Variants in PDZD8 observed in about 807,000 individuals in gnomAD.
PDZD8 encodes PDZ domain containing 8.
Under a neutral mutation model 85.8 loss-of-function variants are expected in PDZD8, and 14 were observed. The ratio of observed to expected loss-of-function variants is 0.16; its 90% CI spans 0.11 to 0.26. PDZD8 has a LOEUF of 0.26. Ranked by LOEUF, PDZD8 falls within the 10% of genes least tolerant of loss-of-function variation. PDZD8 has a pLI of 1.00. For synonymous variants in PDZD8, 592 were observed against 568.6 expected, an observed-to-expected ratio of 1.04 and a Z score of -0.59; for missense variants, 1,197 against 1,424.3, an observed-to-expected ratio of 0.84 and a Z score of 2.57.
intron 4 of PDZD8, chr10:117,285,710 A>T (rs759788942): frequency 6.8e-6 from 8 of 1,184,858 alleles, no homozygotes; most frequent in Non-Finnish European, 8.4e-6. Context: ...AAACCAGATG[A>T]TGACACAGGA....
chr10:117,355,925 T>C (rs1019134848), intron 1 of PDZD8, among the ~76,000 whole-genome samples: 2 of 152,234 alleles, frequency 1.3e-5, no homozygotes, highest in African/African-American at 2.4e-5. Flanking sequence ...TAAGGTGTTG[T>C]TATTACCATT....
intron 1 of PDZD8, among the ~76,000 whole-genome samples, chr10:117,361,867 G>A (rs540774633): frequency 6.6e-6 from 1 of 152,054 alleles, no homozygotes; most frequent in Non-Finnish European, 1.5e-5. Context: ...CATTTACATT[G>A]TATTAGGCAT....
intron 3 of PDZD8, among the ~76,000 whole-genome samples, chr10:117,317,880 A>G (rs957494264): frequency 5.3e-5 from 8 of 152,210 alleles, no homozygotes; most frequent in African/African-American, 1.9e-4. Context: ...CTGCTTTCAT[A>G]AACGCAAACA....
In PDZD8 at chr10:117,356,763, A is replaced by G. The variant is rs1294209224; in HGVS notation, c.873-15661T>C. Among the ~76,000 whole-genome samples, 3 of 152,124 alleles carry G rather than the reference A, an allele frequency of 2.0e-5. No individual in the cohort carries two copies. The East Asian group carries it at 5.8e-4, about 29-fold the overall frequency. ...ATGAAAAACAAATGAGAAAAAGAAA[A>G]ATTAAAAATAACCCAGATAGCTTAT... is the stretch of plus-strand genomic sequence containing the variant. On this transcript the variant is annotated intron_variant, in intron 1 of 4. Transcript: ENST00000334464.
chr10:117,340,598 G>A (rs963692673), intron 2 of PDZD8, among the ~76,000 whole-genome samples: 1 of 152,138 alleles, frequency 6.6e-6, no homozygotes, highest in Non-Finnish European at 1.5e-5. Flanking sequence ...TGCAGTGGCT[G>A]CTATACTTAT....
Position 117,285,186 on chromosome 10 carries a change from T to C in PDZD8, c.1547A>G (p.Gln516Arg). ...ACGTTTGGGACTATGACTTAATGAT[T>C]GTGCCTCATCTTTGAACTCATTTTG... The part of the protein sequence containing the change: ...RAQNEFKDEA[Q>R]SLSHSPKRVP... Residue 516 changes from glutamine (Q) to arginine (R), a missense_variant, in exon 5 of 5, where the codon CAA becomes CGA. Physicochemically the swap from Gln to Arg is conservative, Grantham distance 43. Coordinates refer to ENST00000334464, the MANE Select transcript of PDZD8 (RefSeq NM_173791.5). The C allele has an allele frequency of 1.2e-6, 2 of 1,614,218 alleles. No homozygotes were observed. The highest frequency in any genetic ancestry group is 1.7e-6 in the Non-Finnish European group (2 of 1,180,034).
Position 117,290,224 on chromosome 10 carries a change from G to A in PDZD8, c.1223C>T (p.Ala408Val). The A allele has an allele frequency of 6.2e-7, 1 of 1,614,050 alleles. No individual in the cohort carries two copies. Among genetic ancestry groups the A allele is most frequent in the South Asian group, 1.1e-5 (1 of 91,064 alleles). ...AAGTCGATCTCCCCGCTGAAGATCT[G>A]CAATTGCAGCAGGCGAGTTTGGAGC... Reference protein sequence around the residue: ...TVAPNSPAAIADLQRGDRLIA... With the variant: ...TVAPNSPAAIVDLQRGDRLIA... The change falls in exon 4 of 5, where the codon GCA (alanine) becomes GTA (valine). Residue 408 changes from alanine (A) to valine (V), a missense_variant. Transcript: ENST00000334464.
chr10:117,320,784 C>T lies in PDZD8; in HGVS notation c.996-1810G>A, dbSNP rs141764589. ...AAGTATTTGATAAGGGCCTAGTATC[C>T]AAAAAACATATAAATTCTTTACAGC... On this transcript the variant is annotated intron_variant, in intron 2 of 4. Coordinates refer to ENST00000334464, the MANE Select transcript of PDZD8 (RefSeq NM_173791.5). Among the ~76,000 whole-genome samples the T allele has an allele frequency of 1.3e-3, 200 of 151,916 alleles. 2 individuals are homozygous for T. The highest frequency in any genetic ancestry group is 3.4e-3 in the Middle Eastern group (1 of 292).
In PDZD8 at chr10:117,341,080, G is replaced by C; in HGVS notation, c.895C>G (p.Gln299Glu). The part of the protein sequence containing the change: ...KIRFKPFFPY[Q>E]TLQGFEEDEE... ...TCTTCTTCAAATCCTTGCAAGGTCT[G>C]GTATGGAAAAAACGGCTTAAACCTG... Residue 299 changes from glutamine (Q) to glutamate (E), a missense_variant, in exon 2 of 5, where the codon CAG (glutamine) becomes GAG (glutamate). This residue lies in a region of PDZD8 where 344 missense variants were observed against 453.6 expected (regional missense o/e 0.76). Coordinates refer to ENST00000334464, the MANE Select transcript of PDZD8 (RefSeq NM_173791.5). 2 of 1,613,288 alleles carry C rather than the reference G, an allele frequency of 1.2e-6. No individual in the cohort carries two copies. Among genetic ancestry groups the C allele is most frequent in the Admixed American group, 1.7e-5 (1 of 59,990 alleles).
At chr10:117,314,825 T>G (rs1439225257) in intron 3 of PDZD8, among the ~76,000 whole-genome samples, 2 of 152,218 alleles carry the variant, frequency 1.3e-5, no homozygotes, top group African/African-American at 4.8e-5. Context: ...ATACCAATAT[T>G]GTTTGGATTT....
At chr10:117,332,900 T>G (rs1359386245) in intron 2 of PDZD8, among the ~76,000 whole-genome samples, 5 of 150,754 alleles carry the variant, frequency 3.3e-5, no homozygotes, top group South Asian at 2.1e-4. Flanking sequence ...GGCAGATCAC[T>G]TGAGGTCAGG....
In PDZD8 at chr10:117,282,937, G is replaced by A. The variant is rs1371913116; in HGVS notation, c.*331C>T. ...TTAACACTAATTCAAAAACCAAGAG[G>A]AAGAAAAATAACACAAGGGGACACC... On this transcript the variant is annotated 3_prime_UTR_variant, in exon 5 of 5. Coordinates refer to ENST00000334464, the MANE Select transcript of PDZD8 (RefSeq NM_173791.5). The A allele has an allele frequency of 4.6e-6, 1 of 218,622 alleles. No homozygotes were observed. The highest frequency in any genetic ancestry group is 2.3e-5 in the African/African-American group (1 of 43,690). 13.5% of individuals were successfully genotyped at this position (218,622 alleles called of 1,614,324 possible).
intron 2 of PDZD8, among the ~76,000 whole-genome samples, chr10:117,335,053 C>A (rs1489871724): frequency 6.6e-6 from 1 of 151,824 alleles, no homozygotes; most frequent in East Asian, 1.9e-4. Context: ...GAAATGGAAG[C>A]AGGAAAAAAC....
chr10:117,340,796 T>C (rs559169721), intron 2 of PDZD8, among the ~76,000 whole-genome samples, 184 bp downstream of exon 2: 2 of 152,208 alleles, frequency 1.3e-5, no homozygotes, highest in Non-Finnish European at 2.9e-5. Context: ...TAAAACACTT[T>C]CTAAAATATG....
intron 3 of PDZD8, among the ~76,000 whole-genome samples, chr10:117,301,156 T>C (rs924148964): frequency 6.6e-6 from 1 of 152,116 alleles, no homozygotes; most frequent in South Asian, 2.1e-4. Flanking sequence ...ACCTGGCTAA[T>C]TTTTATTTTT....
chr10:117,336,823 T>C (rs1242244133), intron 2 of PDZD8, among the ~76,000 whole-genome samples: 2 of 152,062 alleles, frequency 1.3e-5, no homozygotes, highest in East Asian at 1.9e-4. Context: ...AAGGGAAGAC[T>C]CTTGGTAACA....
chr10:117,323,710 A>G (rs904058660), intron 2 of PDZD8, among the ~76,000 whole-genome samples: 3 of 152,198 alleles, frequency 2.0e-5, no homozygotes, highest in Admixed American at 2.0e-4. Context: ...CAGTGACCCA[A>G]CAAGACCTAC....
Position 117,375,335 on chromosome 10 carries a change from G to A in PDZD8, c.-108C>T. The A allele has an allele frequency of 9.2e-7, 1 of 1,088,386 alleles. No individual in the cohort carries two copies. Among genetic ancestry groups the A allele is most frequent in the Non-Finnish European group, 1.2e-6 (1 of 809,388 alleles). The allele number at this position is 1,088,386 out of a possible 1,614,324, so 67.4% of individuals were successfully genotyped here. On this transcript the variant is annotated 5_prime_UTR_variant, in exon 1 of 5. Transcript: ENST00000334464. Reference sequence around the variant, plus strand: ...TTGAGGACATCGGGCGGCTGGGTCGGGGCGAGCGGCTCCGTGGGCCTCGTC... The same window carrying A: ...TTGAGGACATCGGGCGGCTGGGTCGAGGCGAGCGGCTCCGTGGGCCTCGTC...
intron 3 of PDZD8, among the ~76,000 whole-genome samples, chr10:117,303,298 T>G (rs1256231218): frequency 6.6e-6 from 1 of 152,136 alleles, no homozygotes; most frequent in Non-Finnish European, 1.5e-5. Flanking sequence ...CTGGCAGCAT[T>G]TTACCCCTGC....
Sources: allele counts gnomAD v4.1 joint callset (sites outside exome capture counted in the v4.1 genomes callset), GRCh38; gene constraint gnomAD v4.1.1; regional missense constraint gnomAD v4.1.1; transcripts MANE v1.5; gene names NCBI Gene and HGNC (gene_info 2026-07-23, HGNC 2026-07-21).